Variants in ZDHHC21 observed in about 807,000 individuals in gnomAD.
The protein encoded by ZDHHC21 is palmitoyltransferase ZDHHC21.
ZDHHC21 carries 15 observed loss-of-function variants against 34.6 expected under a neutral mutation model. That is an observed-to-expected ratio of 0.43 (90% confidence interval 0.29 to 0.67). The LOEUF is 0.67. Among genes scored for constraint, ZDHHC21 ranks in the 30% least tolerant of loss-of-function variants. The pLI, the probability that ZDHHC21 is intolerant of heterozygous loss-of-function variation, is 0.14. For missense variants in ZDHHC21, 344 were observed against 327.7 expected, an observed-to-expected ratio of 1.05 and a Z score of -0.38; for synonymous variants, 142 against 101.8, an observed-to-expected ratio of 1.40 and a Z score of -2.38.
chr9:14,633,858 C>G (rs1231533543), intron 8 of ZDHHC21, among the ~76,000 whole-genome samples: 1 of 152,182 alleles, frequency 6.6e-6, no homozygotes, highest in East Asian at 1.9e-4. Context: ...GAAAGCAACC[C>G]CGTCCTCCCC....
At chr9:14,688,150 A>G (rs893613575) in intron 2 of ZDHHC21, among the ~76,000 whole-genome samples, 5 of 151,004 alleles carry the variant, frequency 3.3e-5, no homozygotes, top group African/African-American at 1.2e-4. Flanking sequence ...TTAAAAGAGA[A>G]ATTATGACAT....
chr9:14,643,117 C>T (rs563658267), intron 7 of ZDHHC21, among the ~76,000 whole-genome samples: 3 of 152,198 alleles, frequency 2.0e-5, no homozygotes, highest in South Asian at 4.2e-4. Flanking sequence ...TACGGTGGTG[C>T]ATGCCTATAA....
the ZDHHC21 span, among the ~76,000 whole-genome samples, chr9:14,596,456 CAT>C: frequency 6.6e-6 from 1 of 152,202 alleles, no homozygotes; most frequent in Non-Finnish European, 1.5e-5. Context: ...AAACCTTCCA[CAT>C]ACCTACATGC....
At chr9:14,595,326 A>T in the ZDHHC21 span, among the ~76,000 whole-genome samples, 1 of 152,224 alleles carries the variant, frequency 6.6e-6, no homozygotes, top group Non-Finnish European at 1.5e-5. Context: ...TCTGTTCAAC[A>T]ATAAAAAGGC....
chr9:14,606,794 A>G (rs1283189181), downstream of ZDHHC21, among the ~76,000 whole-genome samples: 1 of 152,154 alleles, frequency 6.6e-6, no homozygotes, highest in African/African-American at 2.4e-5. Flanking sequence ...CTAACATTTG[A>G]CAAGCAAAGG....
chr9:14,652,416 T>C (rs1020472334), intron 7 of ZDHHC21, among the ~76,000 whole-genome samples: 13 of 151,950 alleles, frequency 8.6e-5, no homozygotes, highest in African/African-American at 3.1e-4. Flanking sequence ...CCTTACTTCC[T>C]CAACAAAAGA....
At chr9:14,662,841 A>C (rs1833650781) in intron 5 of ZDHHC21, among the ~76,000 whole-genome samples, 1 of 152,186 alleles carries the variant, frequency 6.6e-6, no homozygotes, top group Non-Finnish European at 1.5e-5. Flanking sequence ...TAAATCATTT[A>C]ATTTTAAAAA....
intron 2 of ZDHHC21, among the ~76,000 whole-genome samples, chr9:14,681,703 C>A (rs934485405): frequency 2.0e-5 from 3 of 149,684 alleles, no homozygotes. Flanking sequence ...AGTAAGCACC[C>A]CAAAAATGGT....
rs563743889 is a variant in ZDHHC21 at position 14,658,153 on chromosome 9, C to T, written c.504+596G>A. Among the ~76,000 whole-genome samples the T allele has an allele frequency of 1.7e-3, 265 of 152,228 alleles. 1 individual carries two copies. The highest frequency in any genetic ancestry group is 6.2e-3 in the African/African-American group (257 of 41,556). On this transcript the variant is annotated intron_variant, in intron 7 of 9. Transcript: ENST00000380916. Reference sequence around the variant, plus strand: ...TTTTATTCCTGAAAAGAAACAAGAACATTTTGTCTTTGTTTTTCATTATTG... The same window carrying T: ...TTTTATTCCTGAAAAGAAACAAGAATATTTTGTCTTTGTTTTTCATTATTG...
the ZDHHC21 span, among the ~76,000 whole-genome samples, chr9:14,592,904 T>G: frequency 6.6e-6 from 1 of 152,158 alleles, no homozygotes; most frequent in Admixed American, 6.5e-5. Flanking sequence ...GACAACATAC[T>G]TCTAAACAAT....
chr9:14,658,633 G>A (rs1448200729), intron 7 of ZDHHC21, 116 bp downstream of exon 7: 20 of 787,332 alleles, frequency 2.5e-5, no homozygotes, highest in Admixed American at 8.7e-5. Context: ...CACCTCGCCC[G>A]GCTAATTTTT....
At chr9:14,635,351 C>A (rs1179497877) in intron 8 of ZDHHC21, among the ~76,000 whole-genome samples, 1 of 152,062 alleles carries the variant, frequency 6.6e-6, no homozygotes, top group Non-Finnish European at 1.5e-5. Flanking sequence ...CAAACAGATA[C>A]AATGCAAAAA....
rs556765160 is a variant in ZDHHC21, at chr9:14,626,817, A to G, written c.622-7135T>C. On this transcript the variant is annotated intron_variant, in intron 8 of 9. Coordinates refer to ENST00000380916, the MANE Select transcript of ZDHHC21 (RefSeq NM_178566.6). The stretch of plus-strand genomic sequence containing the variant: ...TTAAAAGCATATTTAAAAAGAAGGG[A>G]CACTTTAAATTTTAATTAACTTTCT... 5.3e-5 allele frequency among the ~76,000 whole-genome samples: 8 copies of G among 152,188 alleles called. No homozygotes were observed. In the South Asian group the frequency reaches 1.7e-3, roughly 32 times the overall value.
the ZDHHC21 span, chr9:14,589,104 T>C: frequency 6.6e-6 from 1 of 152,118 alleles, no homozygotes; most frequent in Non-Finnish European, 1.5e-5. Flanking sequence ...CAGCACACAT[T>C]CATAAAGCAC....
At position 14,682,212 on chromosome 9, in the gene ZDHHC21, G is replaced by C. The variant is rs188895102; in HGVS notation, c.-175-2050C>G. 3.3e-5 allele frequency among the ~76,000 whole-genome samples: 5 copies of C among 152,214 alleles called. No individual in the cohort carries two copies. In the East Asian group the frequency reaches 7.7e-4, roughly 24 times the overall value. On this transcript the variant is annotated intron_variant, in intron 2 of 9. Coordinates refer to ENST00000380916, the MANE Select transcript of ZDHHC21 (RefSeq NM_178566.6). ...ACAATATTAACCTTAAATGTAAATG[G>C]GCTGAATGCCCCAATTAAAAGACAC...
chr9:14,625,599 A>G (rs1826067660), intron 8 of ZDHHC21, among the ~76,000 whole-genome samples: 2 of 151,942 alleles, frequency 1.3e-5, no homozygotes, highest in African/African-American at 4.8e-5. Flanking sequence ...AACCCCTTAT[A>G]ACTCCTCAAT....
Position 14,653,587 on chromosome 9 carries a change from T to C in ZDHHC21, c.504+5162A>G, listed in dbSNP as rs117791977. 9.1e-3 allele frequency among the ~76,000 whole-genome samples: 1,379 copies of C among 152,044 alleles called. 8 individuals carry two copies. Among genetic ancestry groups the C allele is most frequent in the Non-Finnish European group, 0.015 (1,001 of 67,898 alleles). On this transcript the variant is annotated intron_variant, in intron 7 of 9. Coordinates refer to ENST00000380916, the MANE Select transcript of ZDHHC21 (RefSeq NM_178566.6). ...TTTTTTTGCCCAGCAATGACCTCCT[T>C]CATCTCCCCATTTGGTTAATCTCTA...
At chr9:14,688,428 A>C (rs1406434048) in intron 2 of ZDHHC21, among the ~76,000 whole-genome samples, 1 of 150,814 alleles carries the variant, frequency 6.6e-6, no homozygotes, top group Non-Finnish European at 1.5e-5. Flanking sequence ...AAAGTAATGA[A>C]ACAGTTTAAC....
chr9:14,642,326 C>T (rs1370803460), intron 7 of ZDHHC21, among the ~76,000 whole-genome samples: 3 of 152,126 alleles, frequency 2.0e-5, no homozygotes, highest in Non-Finnish European at 2.9e-5. Flanking sequence ...TACATCTTTA[C>T]TTCTGTCTTA....
Sources: gnomAD v4.1 joint callset for allele counts (sites outside exome capture counted in the v4.1 genomes callset) on GRCh38, gnomAD v4.1.1 for gene constraint, MANE v1.5 for transcripts, NCBI Gene and HGNC (gene_info 2026-07-23, HGNC 2026-07-21) for gene names.